Variants in NKAIN1 observed in about 807,000 individuals in gnomAD.
NKAIN1 encodes sodium/potassium-transporting ATPase subunit beta-1-interacting protein 1.
NKAIN1 carries 13 observed loss-of-function variants against 31.6 expected under a neutral mutation model. That is an observed-to-expected ratio of 0.41 (90% CI 0.27 to 0.65). The LOEUF is 0.65. NKAIN1 is among the 30% of genes least tolerant of loss of function. NKAIN1 has a pLI of 0.30. For missense variants in NKAIN1, 193 were observed against 262.2 expected (o/e 0.74, Z 1.82); for synonymous variants, 104 against 109.0 (o/e 0.95, Z 0.28).
intron 1 of NKAIN1, among the ~76,000 whole-genome samples, chr1:31,189,336 A>T (rs188914155): frequency 5.5e-4 from 84 of 152,092 alleles, no homozygotes; most frequent in Non-Finnish European, 1.0e-3. Flanking sequence ...CATTATTTTT[A>T]AACAGAGTCC....
At chr1:31,211,677 G>A (rs902082876) in intron 1 of NKAIN1, among the ~76,000 whole-genome samples, 2 of 151,510 alleles carry the variant, frequency 1.3e-5, no homozygotes, top group Non-Finnish European at 2.9e-5. Flanking sequence ...GGCTGGGCAC[G>A]GTGGCTCATG....
At chr1:31,189,012 C>CA (rs1262629714) in intron 1 of NKAIN1, among the ~76,000 whole-genome samples, 27 of 134,784 alleles carry the variant, frequency 2.0e-4, no homozygotes, top group Admixed American at 6.8e-4. Context: ...GACCCCGTCT[C>CA]AAAAAAAAGA....
intron 1 of NKAIN1, among the ~76,000 whole-genome samples, chr1:31,206,547 T>C (rs986051434): frequency 1.3e-5 from 2 of 152,136 alleles, no homozygotes; most frequent in African/African-American, 2.4e-5. Context: ...GTGATCCTCC[T>C]GTCTCAGCCT....
chr1:31,208,880 A>T (rs1274364367), intron 1 of NKAIN1, among the ~76,000 whole-genome samples: 2 of 152,162 alleles, frequency 1.3e-5, no homozygotes, highest in African/African-American at 4.8e-5. Context: ...TGGGCAAATC[A>T]CACTTGATGT....
intron 1 of NKAIN1, among the ~76,000 whole-genome samples, chr1:31,189,585 G>A (rs1354397825): frequency 6.6e-6 from 1 of 152,182 alleles, no homozygotes; most frequent in Non-Finnish European, 1.5e-5. Context: ...CCAAAGTGCT[G>A]GGATTATAGG....
chr1:31,239,553 C>CG lies in NKAIN1; in HGVS notation c.-7dup. On this transcript the variant is annotated 5_prime_UTR_variant, in exon 1 of 7. Coordinates refer to ENST00000373736, the MANE Select transcript of NKAIN1 (RefSeq NM_024522.3). The surrounding 1 kb of genome is among the most constrained non-coding windows in gnomAD (Gnocchi z 4.8). ...CGCCCGCTGCACTTGCCCATGGCTC[C>CG]GGGGGCTGCGCGGGCCGCACGCCGC... 1.6e-6 allele frequency: 2 copies of CG among 1,249,586 alleles called. No individual in the cohort carries two copies. Among genetic ancestry groups the CG allele is most frequent in the Non-Finnish European group, 1.0e-6 (1 of 997,574 alleles). The allele number at this position is 1,249,586 out of a possible 1,614,324, so 77.4% of individuals were successfully genotyped here. A position where few individuals can be genotyped will look rare whatever the true frequency, so the allele number is the denominator to read the frequency against.
rs1459227382 is a variant in NKAIN1, at chr1:31,203,496, CTG to C, written c.55-15311_55-15310del. Among the ~76,000 whole-genome samples, 6 of 152,156 alleles carry C rather than the reference CTG, an allele frequency of 3.9e-5. No homozygotes were observed. The East Asian group carries it at 1.2e-3, about 29-fold the overall frequency. On this transcript the variant is annotated intron_variant, in intron 1 of 6. Transcript: ENST00000373736. Reference sequence around the variant, plus strand: ...AACAACAAAACAAAGAATCATCAAACTGTTAATTTGTTAACTCTAGGGAATGG... The same window carrying C: ...AACAACAAAACAAAGAATCATCAAACTTAATTTGTTAACTCTAGGGAATGG...
chr1:31,188,451 G>T (rs368342549), intron 1 of NKAIN1: 1 of 407,488 alleles, frequency 2.5e-6, no homozygotes, highest in African/African-American at 2.0e-5. Flanking sequence ...AGCGGCTCAA[G>T]CTCCTGCACC....
intron 1 of NKAIN1, among the ~76,000 whole-genome samples, chr1:31,204,923 T>A (rs377217119): frequency 2.0e-5 from 3 of 152,106 alleles, no homozygotes; most frequent in East Asian, 3.9e-4. Context: ...CCGGTAATTA[T>A]CAGCTCAGGC....
chr1:31,200,235 A>G (rs1044562677), intron 1 of NKAIN1, among the ~76,000 whole-genome samples: 2 of 152,218 alleles, frequency 1.3e-5, no homozygotes, highest in African/African-American at 4.8e-5. Flanking sequence ...CAAGCTGCAG[A>G]GCAACATGAT....
intron 1 of NKAIN1, among the ~76,000 whole-genome samples, chr1:31,234,104 G>A (rs1645677457): frequency 6.6e-6 from 1 of 152,174 alleles, no homozygotes; most frequent in Admixed American, 6.6e-5. Flanking sequence ...ATCTCATAAG[G>A]GCCTCGAGGG....
chr1:31,211,942 AAAAACAAAAC>A (rs146235053), intron 1 of NKAIN1, among the ~76,000 whole-genome samples: 81 of 151,882 alleles, frequency 5.3e-4, no homozygotes, highest in African/African-American at 1.9e-3. Context: ...ACTCTGTCTC[AAAAACAAAAC>A]AAAACAAAAC....
chr1:31,202,195 C>T lies in NKAIN1; in HGVS notation c.55-14008G>A, dbSNP rs1195891039. 3.9e-5 allele frequency among the ~76,000 whole-genome samples: 6 copies of T among 152,350 alleles called. No homozygotes were observed. The South Asian group carries it at 1.0e-3, about 26-fold the overall frequency. Reference sequence around the variant, plus strand: ...CTCAGTGACCACTGACCCATCCCCACCCCTTCCCCAGCTGGGGGGCTCTGC... The same window carrying T: ...CTCAGTGACCACTGACCCATCCCCATCCCTTCCCCAGCTGGGGGGCTCTGC... On this transcript the variant is annotated intron_variant, in intron 1 of 6. Transcript: ENST00000373736.
intron 1 of NKAIN1, among the ~76,000 whole-genome samples, chr1:31,221,535 A>G (rs1645565126): frequency 6.6e-6 from 1 of 152,034 alleles, no homozygotes; most frequent in South Asian, 2.1e-4. Context: ...TCCCGGGTTC[A>G]AGCGATTCTC....
At chr1:31,208,348 C>T (rs1473744108) in intron 1 of NKAIN1, among the ~76,000 whole-genome samples, 1 of 152,062 alleles carries the variant, frequency 6.6e-6, no homozygotes, top group African/African-American at 2.4e-5. Context: ...CTTCCACCCC[C>T]CGCTTATGGA....
At chr1:31,200,102 C>T (rs12078235) in intron 1 of NKAIN1, among the ~76,000 whole-genome samples, 3,935 of 152,296 alleles carry the variant, frequency 0.026, 153 homozygotes, top group African/African-American at 0.09. Flanking sequence ...TTCACACACA[C>T]GCACGCACGC....
intron 1 of NKAIN1, among the ~76,000 whole-genome samples, chr1:31,226,253 C>CA (rs904303782): frequency 1.3e-4 from 19 of 151,844 alleles, no homozygotes; most frequent in African/African-American, 4.6e-4. Context: ...TCTGTGTCCC[C>CA]AGGGGCTGGC....
At chr1:31,194,259 C>T (rs567105779) in intron 1 of NKAIN1, among the ~76,000 whole-genome samples, 10 of 152,224 alleles carry the variant, frequency 6.6e-5, no homozygotes, top group African/African-American at 2.2e-4. Context: ...TCTGTCTTCA[C>T]CTGCCAATGC....
At chr1:31,227,440 C>A in intron 1 of NKAIN1, among the ~76,000 whole-genome samples, 1 of 152,186 alleles carries the variant, frequency 6.6e-6, no homozygotes, top group East Asian at 1.9e-4. Flanking sequence ...TCAGATTCTG[C>A]TTCGGTGAAA....
Sources: gnomAD v4.1 joint callset for allele counts (sites outside exome capture counted in the v4.1 genomes callset) on GRCh38, gnomAD v4.1.1 for gene constraint, Gnocchi (gnomAD v3.1) non-coding constraint, MANE v1.5 for transcripts, NCBI Gene and HGNC (gene_info 2026-07-23, HGNC 2026-07-21) for gene names.